Variants in AGBL1 observed in about 807,000 individuals in gnomAD.
AGBL1 encodes AGBL carboxypeptidase 1.
Under a neutral mutation model 118.9 loss-of-function variants are expected in AGBL1, and 130 were observed. That is an observed-to-expected ratio of 1.09 (90% CI 0.95 to 1.26). The LOEUF (loss-of-function observed/expected upper bound fraction) is 1.26, where lower values mean the gene tolerates loss of function less well. Among genes scored for constraint, AGBL1 ranks in the 50% most tolerant of loss-of-function variants. AGBL1 has a pLI of 0.00. For missense variants in AGBL1, 1,584 were observed against 1,298.1 expected (o/e 1.22, Z -3.38); for synonymous variants, 555 against 478.9 (o/e 1.16, Z -2.08).
chr15:86,372,745 C>T (rs1308376198), intron 17 of AGBL1, among the ~76,000 whole-genome samples: 1 of 151,902 alleles, frequency 6.6e-6, no homozygotes, highest in African/African-American at 2.4e-5. Flanking sequence ...CTCACGCCAG[C>T]CTGGCTGGCT....
chr15:86,338,134 G>T (rs754656076), intron 17 of AGBL1, among the ~76,000 whole-genome samples: 1 of 152,190 alleles, frequency 6.6e-6, no homozygotes, highest in Non-Finnish European at 1.5e-5. Context: ...ATGGGGACAT[G>T]GGCTCTGAAT....
intron 18 of AGBL1, among the ~76,000 whole-genome samples, chr15:86,485,838 C>T (rs1482615689): frequency 6.6e-6 from 1 of 152,118 alleles, no homozygotes; most frequent in African/African-American, 2.4e-5. Context: ...CAGAAATACC[C>T]TTGACAAATC....
intron 21 of AGBL1, among the ~76,000 whole-genome samples, chr15:86,660,580 T>G (rs897231081): frequency 2.0e-5 from 3 of 152,142 alleles, no homozygotes; most frequent in African/African-American, 7.2e-5. Context: ...TTTTACTGAT[T>G]TTTTAAGTTC....
intron 17 of AGBL1, among the ~76,000 whole-genome samples, chr15:86,350,856 C>T (rs1250187081): frequency 6.6e-6 from 1 of 152,178 alleles, no homozygotes; most frequent in African/African-American, 2.4e-5. Context: ...ACTATTTATG[C>T]CCTGGTGGCT....
chr15:86,565,298 G>A (rs1052105264), intron 21 of AGBL1, among the ~76,000 whole-genome samples: 2 of 152,240 alleles, frequency 1.3e-5, no homozygotes, highest in African/African-American at 4.8e-5. Flanking sequence ...GTGACGTACA[G>A]ATGGGGTTTT....
chr15:86,351,147 G>A (rs1318760082), intron 17 of AGBL1, among the ~76,000 whole-genome samples: 1 of 152,154 alleles, frequency 6.6e-6, no homozygotes, highest in Non-Finnish European at 1.5e-5. Context: ...AGTTCTGGAG[G>A]CTGGGAAGTC....
intron 21 of AGBL1, among the ~76,000 whole-genome samples, chr15:86,562,211 G>A (rs1440202032): frequency 6.6e-6 from 1 of 152,166 alleles, no homozygotes; most frequent in African/African-American, 2.4e-5. Flanking sequence ...AGGCATCCCT[G>A]TCTTGTGCCA....
chr15:86,139,644 T>C (rs1244926770), intron 1 of AGBL1, among the ~76,000 whole-genome samples: 1 of 152,158 alleles, frequency 6.6e-6, no homozygotes, highest in Non-Finnish European at 1.5e-5. Flanking sequence ...TCCCATCAAG[T>C]ATCTAGGGAT....
chr15:86,961,301 G>A (rs1264202860), intron 23 of AGBL1, among the ~76,000 whole-genome samples: 2 of 151,930 alleles, frequency 1.3e-5, no homozygotes, highest in African/African-American at 4.8e-5. Flanking sequence ...AATCTACCCA[G>A]GCTTTAGAAA....
At chr15:86,979,221 TA>T (rs1174882654) in intron 23 of AGBL1, among the ~76,000 whole-genome samples, 1 of 152,192 alleles carries the variant, frequency 6.6e-6, no homozygotes, top group Non-Finnish European at 1.5e-5. Context: ...TCATGAAGAA[TA>T]AGCCGCTCTT....
chr15:86,943,752 A>G (rs2080783041), intron 23 of AGBL1, among the ~76,000 whole-genome samples: 1 of 152,124 alleles, frequency 6.6e-6, no homozygotes, highest in African/African-American at 2.4e-5. Context: ...GCATTTCCCT[A>G]TGCAAGTTTT....
At chr15:86,496,017 A>T (rs897861453) in intron 18 of AGBL1, among the ~76,000 whole-genome samples, 11 of 151,610 alleles carry the variant, frequency 7.3e-5, no homozygotes, top group Non-Finnish European at 1.3e-4. Context: ...TCTTTTTTTT[A>T]AATTTTCAAC....
chr15:86,783,081 T>C (rs1334890638), intron 22 of AGBL1, among the ~76,000 whole-genome samples: 1 of 152,196 alleles, frequency 6.6e-6, no homozygotes, highest in Non-Finnish European at 1.5e-5. Flanking sequence ...TCCATGAAAT[T>C]GTTTTACTCC....
At chr15:86,977,174 A>C (rs2141715379) in intron 23 of AGBL1, among the ~76,000 whole-genome samples, 1 of 152,058 alleles carries the variant, frequency 6.6e-6, no homozygotes, top group South Asian at 2.1e-4. Flanking sequence ...TTCTCCAAAT[A>C]AATTTTCATT....
intron 18 of AGBL1, among the ~76,000 whole-genome samples, chr15:86,450,403 G>C (rs927463032): frequency 2.6e-5 from 4 of 152,184 alleles, no homozygotes; most frequent in Non-Finnish European, 5.9e-5. Flanking sequence ...TGTACAGTCA[G>C]CGGTAAAATC....
intron 24 of AGBL1, among the ~76,000 whole-genome samples, chr15:87,019,260 A>T (rs1163950583): frequency 6.6e-6 from 1 of 152,166 alleles, no homozygotes; most frequent in Non-Finnish European, 1.5e-5. Flanking sequence ...TCGGCTCTGG[A>T]TCAAGTGGAC....
chr15:86,916,663 G>C (rs1476830724), downstream of AGBL1, among the ~76,000 whole-genome samples: 1 of 152,178 alleles, frequency 6.6e-6, no homozygotes, highest in African/African-American at 2.4e-5. Flanking sequence ...CCTTTCCTCT[G>C]GGTCTCAGTT....
intron 5 of AGBL1, among the ~76,000 whole-genome samples, chr15:86,163,172 C>T (rs887494898): frequency 2.0e-5 from 3 of 152,208 alleles, no homozygotes; most frequent in Admixed American, 6.5e-5. Context: ...CATGGTGGCT[C>T]ATGTCTGTAA....
intron 24 of AGBL1, among the ~76,000 whole-genome samples, chr15:87,010,742 C>CT (rs2081551116): frequency 6.6e-6 from 1 of 152,184 alleles, no homozygotes; most frequent in South Asian, 2.1e-4. Flanking sequence ...GGTTCTCTAG[C>CT]TTGAAAATAG....
Sources: gnomAD v4.1 joint callset for allele counts (sites outside exome capture counted in the v4.1 genomes callset) on GRCh38, gnomAD v4.1.1 for gene constraint, MANE v1.5 for transcripts, NCBI Gene and HGNC (gene_info 2026-07-23, HGNC 2026-07-21) for gene names.